Variants in FHOD3 observed in about 807,000 individuals in gnomAD.
FHOD3 encodes the protein FH1/FH2 domain-containing protein 3.
In FHOD3, 90 loss-of-function variants were observed where a neutral mutation model predicts 173.0. The ratio of observed to expected loss-of-function variants is 0.52; its 90% CI spans 0.44 to 0.62. FHOD3 has a LOEUF of 0.62. Ranked by LOEUF, FHOD3 falls within the 20% of genes least tolerant of loss-of-function variation. The pLI, the probability that FHOD3 is intolerant of heterozygous loss-of-function variation, is 0.00. For synonymous variants in FHOD3, 828 were observed against 823.0 expected (o/e 1.01, Z -0.10); for missense variants, 1,945 against 2,034.7 (o/e 0.96, Z 0.85).
intron 6 of FHOD3, among the ~76,000 whole-genome samples, chr18:36,578,053 T>G (rs2058720065): frequency 6.6e-6 from 1 of 152,102 alleles, no homozygotes; most frequent in South Asian, 2.1e-4. Flanking sequence ...GAGTGGGGGA[T>G]CTTGAGGGCC....
At chr18:36,327,346 A>T (rs1221458948) in intron 1 of FHOD3, among the ~76,000 whole-genome samples, 1 of 152,268 alleles carries the variant, frequency 6.6e-6, no homozygotes. Context: ...GTAAATTCTT[A>T]AAAAATGGCT....
chr18:36,480,480 C>T (rs1250235670), intron 3 of FHOD3, among the ~76,000 whole-genome samples: 3 of 152,200 alleles, frequency 2.0e-5, no homozygotes, highest in Admixed American at 2.0e-4. Flanking sequence ...TAGGAACATG[C>T]AGCACGAGGC....
Position 36,724,363 on chromosome 18 carries a change from G to A in FHOD3, c.3417+5648G>A, listed in dbSNP as rs554886546. 2.0e-3 allele frequency among the ~76,000 whole-genome samples: 309 copies of A among 152,332 alleles called. 1 individual carries two copies. Among genetic ancestry groups the A allele is most frequent in the African/African-American group, 7.0e-3 (292 of 41,582 alleles). On this transcript the variant is annotated intron_variant, in intron 19 of 28. Transcript: ENST00000590592. Reference sequence around the variant, plus strand: ...CAGGCTCCTGCCTCCTGGGGCTGCTGGTTCTAGAAAGCGGACTCCCAACCC... The same window carrying A: ...CAGGCTCCTGCCTCCTGGGGCTGCTAGTTCTAGAAAGCGGACTCCCAACCC...
At chr18:36,695,793 G>T (rs1395429823) in intron 17 of FHOD3, among the ~76,000 whole-genome samples, 1 of 152,184 alleles carries the variant, frequency 6.6e-6, no homozygotes, top group African/African-American at 2.4e-5. Flanking sequence ...GTTTTTCTCA[G>T]CCTACTTTAT....
chr18:36,312,593 TC>T (rs2092285460), intron 1 of FHOD3, among the ~76,000 whole-genome samples: 1 of 152,146 alleles, frequency 6.6e-6, no homozygotes. Context: ...CTAGCAGCAA[TC>T]CCTGCTCTGT....
intron 24 of FHOD3, among the ~76,000 whole-genome samples, chr18:36,754,475 A>C (rs2042540484): frequency 6.6e-6 from 1 of 152,094 alleles, no homozygotes; most frequent in South Asian, 2.1e-4. Context: ...TTTTGTTTAC[A>C]AATTAAGTAG....
chr18:36,512,326 T>C (rs1228425899), intron 4 of FHOD3, 112 bp from the exon 5 acceptor site: 2 of 754,544 alleles, frequency 2.7e-6, no homozygotes, highest in Non-Finnish European at 4.6e-6. Flanking sequence ...AGCAGAGCAA[T>C]CTGTAGGGTC....
intron 5 of FHOD3, among the ~76,000 whole-genome samples, chr18:36,519,077 G>GCTCCTCTTGCCACCCACTGTCA (rs2056139130): frequency 6.6e-6 from 1 of 152,170 alleles, no homozygotes; most frequent in Non-Finnish European, 1.5e-5. Context: ...CCCGTCTGTG[G>GCTCCTCTTGCCACCCACTGTCA]CTCCTCTTGC....
At chr18:36,744,482 C>G (rs981148694) in intron 23 of FHOD3, among the ~76,000 whole-genome samples, 1 of 152,238 alleles carries the variant, frequency 6.6e-6, no homozygotes. Context: ...TGTTACTCAC[C>G]AGGGTGGATT....
chr18:36,346,122 T>A (rs1373459980), intron 1 of FHOD3, among the ~76,000 whole-genome samples: 2 of 152,294 alleles, frequency 1.3e-5, no homozygotes, highest in East Asian at 3.9e-4. Context: ...TCCCAGCACT[T>A]TGGGAGGGTG....
chr18:36,345,208 GT>G (rs34670751), intron 1 of FHOD3, among the ~76,000 whole-genome samples: 8 of 151,350 alleles, frequency 5.3e-5, no homozygotes, highest in African/African-American at 9.7e-5. Flanking sequence ...TACAGAGTAT[GT>G]TTTTTTTTAT....
In FHOD3 at chr18:36,717,877, G is replaced by A. The variant is rs2040547099; in HGVS notation, c.2579G>A (p.Cys860Tyr). Residue 860 changes from cysteine to tyrosine, a missense_variant, in exon 19 of 29, where the codon TGT becomes TAT. Physicochemically the swap from Cys to Tyr is radical, Grantham distance 194 (BLOSUM62 -2). Coordinates refer to ENST00000590592, the MANE Select transcript of FHOD3 (RefSeq NM_001281740.3). ...GVQDAGVNGQCGDILTNKRFM... is the reference protein window; with the variant it reads ...GVQDAGVNGQYGDILTNKRFM... ...CAGGATGCAGGTGTAAATGGACAGT[G>A]TGGCGACATCCTCACCAACAAACGG... 6.2e-7 allele frequency: 1 copy of A among 1,609,424 alleles called. No individual in the cohort carries two copies. The highest frequency in any genetic ancestry group is 1.1e-5 in the South Asian group (1 of 90,130).
intron 1 of FHOD3, among the ~76,000 whole-genome samples, chr18:36,328,742 G>A (rs2044813681): frequency 6.6e-6 from 1 of 152,206 alleles, no homozygotes; most frequent in Non-Finnish European, 1.5e-5. Context: ...ATGGATTGCA[G>A]TAGAAAGTGG....
chr18:36,406,122 T>TA (rs1819480908), intron 3 of FHOD3, among the ~76,000 whole-genome samples: 1 of 152,098 alleles, frequency 6.6e-6, no homozygotes, highest in African/African-American at 2.4e-5. Flanking sequence ...TTTGTTTTTT[T>TA]AAAGCAAGGT....
At chr18:36,739,402 C>G (rs539424040) in intron 20 of FHOD3, among the ~76,000 whole-genome samples, 4 of 152,234 alleles carry the variant, frequency 2.6e-5, no homozygotes, top group African/African-American at 9.6e-5. Context: ...CTATCACCAC[C>G]AGCTTGCCCT....
intron 5 of FHOD3, among the ~76,000 whole-genome samples, chr18:36,535,479 A>C (rs958528504): frequency 1.3e-5 from 2 of 152,200 alleles, no homozygotes; most frequent in African/African-American, 4.8e-5. Flanking sequence ...AGTAGTAAAA[A>C]GCTGGGCCAC....
At chr18:36,685,614 G>A (rs993575980) in intron 15 of FHOD3, among the ~76,000 whole-genome samples, 10 of 152,258 alleles carry the variant, frequency 6.6e-5, no homozygotes, top group African/African-American at 1.9e-4. Context: ...GTTTATAAAC[G>A]ATGACAAATC....
At chr18:36,375,429 G>A (rs546541205) in intron 3 of FHOD3, among the ~76,000 whole-genome samples, 9 of 152,288 alleles carry the variant, frequency 5.9e-5, no homozygotes, top group Middle Eastern at 3.4e-3. Context: ...CGATTGGACT[G>A]GAAGGATCCA....
At chr18:36,711,669 C>T (rs1162924925) in intron 18 of FHOD3, among the ~76,000 whole-genome samples, 1 of 152,052 alleles carries the variant, frequency 6.6e-6, no homozygotes, top group Non-Finnish European at 1.5e-5. Flanking sequence ...ATAGCAGCAC[C>T]CTGAGAATAC....
Sources: gnomAD v4.1 joint callset for allele counts (sites outside exome capture counted in the v4.1 genomes callset) on GRCh38, gnomAD v4.1.1 for gene constraint, MANE v1.5 for transcripts, NCBI Gene and HGNC (gene_info 2026-07-23, HGNC 2026-07-21) for gene names.